The following TRIM34 variants were observed in gnomAD, a reference collection of about 807,000 sequenced individuals.
TRIM34 encodes tripartite motif containing 34.
In TRIM34, 41 loss-of-function variants were observed where a neutral mutation model predicts 38.1. That is an observed-to-expected ratio of 1.08 (90% CI 0.84 to 1.40). TRIM34 has a LOEUF of 1.40. TRIM34 is among the 40% of genes most tolerant of loss of function. The pLI is 0.00. For missense variants in TRIM34, 556 were observed against 571.4 expected (o/e 0.97, Z 0.27); for synonymous variants, 200 against 202.5 (o/e 0.99, Z 0.10).
At chr11:5,620,377 C>T (rs1848946419), upstream of TRIM34, among the ~76,000 whole-genome samples, 8 of 151,528 alleles carry the variant, frequency 5.3e-5, no homozygotes, top group South Asian at 1.7e-3. Context: ...CGGGGTTTCA[C>T]CATGTTGGCC....
At position 5,632,394 on chromosome 11, in the gene TRIM34, G is replaced by C. The variant is rs555604369; in HGVS notation, c.63G>C (p.Leu21=). The C allele has an allele frequency of 6.2e-7, 1 of 1,614,080 alleles. No individual in the cohort carries two copies. Among genetic ancestry groups the C allele is most frequent in the South Asian group, 1.1e-5 (1 of 91,072 alleles). The change falls in exon 2 of 8, where the codon CTG becomes CTC. Residue 21 remains leucine (L), a synonymous_variant. Transcript: ENST00000429814. Reference sequence around the variant, plus strand: ...TGACCTGTCCCATCTGCCTGGAGCTGTTGACAGAACCCTTGAGTCTAGACT... The same window carrying C: ...TGACCTGTCCCATCTGCCTGGAGCTCTTGACAGAACCCTTGAGTCTAGACT... The part of the protein sequence containing the change: ...EEVTCPICLE[L]LTEPLSLDCG...
chr11:5,641,907 G>A (rs543838173), intron 5 of TRIM34, among the ~76,000 whole-genome samples: 2 of 152,008 alleles, frequency 1.3e-5, no homozygotes, highest in African/African-American at 4.8e-5. Flanking sequence ...TCAAATATGC[G>A]CCATTCCACT....
upstream of TRIM34, among the ~76,000 whole-genome samples, chr11:5,621,744 CCTAT>C (rs1277376993): frequency 3.3e-5 from 5 of 152,158 alleles, no homozygotes; most frequent in Non-Finnish European, 5.9e-5. Context: ...GACATAAATG[CCTAT>C]CTGATTGACT....
chr11:5,622,958 G>A (rs954359267), upstream of TRIM34, among the ~76,000 whole-genome samples: 1 of 152,214 alleles, frequency 6.6e-6, no homozygotes, highest in Non-Finnish European at 1.5e-5. Flanking sequence ...TGTCCGCAAA[G>A]GCGGGACAGC....
rs1263795788 is a variant in TRIM34 at position 5,643,835 on chromosome 11, A to T, written c.*126A>T. 1 of 1,271,394 alleles carries T rather than the reference A, an allele frequency of 7.9e-7. No homozygotes were observed. Among genetic ancestry groups the T allele is most frequent in the Non-Finnish European group, 1.1e-6 (1 of 927,786 alleles). 78.8% of individuals were successfully genotyped at this position (1,271,394 alleles called of 1,614,324 possible). A position where few individuals can be genotyped will look rare whatever the true frequency, so the allele number is the denominator to read the frequency against. ...TTTAGAACTTTTACTCATCCTTGAG[A>T]TGTATGGTGTATTTGGCTTGAGTTA... is the stretch of plus-strand genomic sequence containing the variant. On this transcript the variant is annotated 3_prime_UTR_variant, in exon 8 of 8. Coordinates refer to ENST00000429814, the MANE Select transcript of TRIM34 (RefSeq NM_021616.6).
At chr11:5,642,731 C>T in intron 6 of TRIM34, 86 bp from the exon 7 acceptor site, 1 of 1,564,460 alleles carries the variant, frequency 6.4e-7, no homozygotes, top group South Asian at 1.2e-5. Context: ...TATTCCCTTC[C>T]CCTGTCCCTA....
At position 5,635,370 on chromosome 11, in the gene TRIM34, C is replaced by CT. The variant is rs556432575; in HGVS notation, c.750+509_750+510insT. On this transcript the variant is annotated intron_variant, in intron 4 of 7. Coordinates refer to ENST00000429814, the MANE Select transcript of TRIM34 (RefSeq NM_021616.6). ...TCCCAGGTTCACGCCATTCTCCTGC[C>CT]CAGCATCCCGAGTAGCTGGGACTAC... Among the ~76,000 whole-genome samples, 441 of 151,836 alleles carry CT rather than the reference C, an allele frequency of 2.9e-3. 1 individual carries two copies. The highest frequency in any genetic ancestry group is 0.01 in the Middle Eastern group (3 of 294).
rs1849984832 is a variant in TRIM34 at position 5,641,020 on chromosome 11, T to A, written c.751-147T>A. ...ATTCCTGATTTTTTTTCTTGGTGTG[T>A]CTAGCTAAATGTTTGCCAATTTTGT... is the stretch of plus-strand genomic sequence containing the variant. On this transcript the variant is annotated intron_variant, in intron 4 of 7. Transcript: ENST00000429814. The A allele has an allele frequency of 2.3e-5, 25 of 1,106,406 alleles. No homozygotes were observed. The South Asian group carries it at 5.2e-4, about 23-fold the overall frequency. 68.5% of individuals were successfully genotyped at this position (1,106,406 alleles called of 1,614,324 possible). A position where few individuals can be genotyped will look rare whatever the true frequency, so the allele number is the denominator to read the frequency against.
intron 4 of TRIM34, among the ~76,000 whole-genome samples, chr11:5,639,110 G>C (rs183914583): frequency 6.6e-6 from 1 of 152,000 alleles, no homozygotes; most frequent in Non-Finnish European, 1.5e-5. Flanking sequence ...TTTATTATTC[G>C]ATCAGACTTT....
Position 5,643,294 on chromosome 11 carries a change from G to C in TRIM34, c.1052G>C (p.Trp351Ser), listed in dbSNP as rs1314223759. Residue 351 changes from tryptophan to serine, a missense_variant, in exon 8 of 8, where the codon TGG becomes TCG. Transcript: ENST00000429814. ...SQYFSSGKHY[W>S]EVDVSKKTAW... ...TATTTCTCCTCTGGGAAACATTACT[G>C]GGAAGTGGACGTGTCCAAGAAAACT... 1 of 1,614,022 alleles carries C rather than the reference G, an allele frequency of 6.2e-7. No homozygotes were observed. The highest frequency in any genetic ancestry group is 8.5e-7 in the Non-Finnish European group (1 of 1,180,000).
At chr11:5,620,281 G>A (rs1036462103), upstream of TRIM34, among the ~76,000 whole-genome samples, 4 of 140,170 alleles carry the variant, frequency 2.9e-5, no homozygotes, top group African/African-American at 1.1e-4. Context: ...GGGTTCTATG[G>A]ATTCTCCTGC....
At chr11:5,635,697 G>GGA in intron 4 of TRIM34, among the ~76,000 whole-genome samples, 1 of 152,336 alleles carries the variant, frequency 6.6e-6, no homozygotes, top group East Asian at 1.9e-4. Flanking sequence ...GAACGAAGCA[G>GGA]GAGAGTAACT....
chr11:5,620,774 A>G (rs985793051), upstream of TRIM34, among the ~76,000 whole-genome samples: 1 of 152,092 alleles, frequency 6.6e-6, no homozygotes, highest in Non-Finnish European at 1.5e-5. Context: ...TCTTCTTTCC[A>G]TTAAGTGAGA....
At chr11:5,635,737 T>A (rs530564576) in intron 4 of TRIM34, among the ~76,000 whole-genome samples, 111 of 152,358 alleles carry the variant, frequency 7.3e-4, no homozygotes, top group Non-Finnish European at 1.4e-3. Flanking sequence ...GTTTGCTTTG[T>A]CTCTGGTGCT....
Position 5,641,197 on chromosome 11 carries a change from TG to T in TRIM34, c.773+11del, listed in dbSNP as rs1564890255. The T allele has an allele frequency of 6.2e-7, 1 of 1,614,036 alleles. No homozygotes were observed. The highest frequency in any genetic ancestry group is 8.5e-7 in the Non-Finnish European group (1 of 1,179,970). On this transcript the variant is annotated intron_variant, in intron 5 of 7. Transcript: ENST00000429814. ...GAGTGGAATCATGAAATGGTGCGTA[TG>T]GGTGGCCAGGAGTGGTGCTTGTGAG...
chr11:5,642,279 C>T (rs1590188396), intron 5 of TRIM34, 127 bp from the exon 6 acceptor site: 3 of 753,000 alleles, frequency 4.0e-6, no homozygotes, highest in Non-Finnish European at 4.2e-6. Context: ...CTCCCTTCTC[C>T]CCCTCCTCAG....
chr11:5,634,107 T>C (rs941647881), intron 3 of TRIM34, among the ~76,000 whole-genome samples: 49 of 152,200 alleles, frequency 3.2e-4, no homozygotes, highest in African/African-American at 1.1e-3. Context: ...AGCACAAAGA[T>C]AGACTCTATG....
At chr11:5,640,077 C>T (rs1385484258) in intron 4 of TRIM34, among the ~76,000 whole-genome samples, 1 of 152,126 alleles carries the variant, frequency 6.6e-6, no homozygotes, top group Non-Finnish European at 1.5e-5. Context: ...AAATCTTATT[C>T]ATTCTATCTA....
chr11:5,644,259 C>A lies in TRIM34; in HGVS notation c.*550C>A. The A allele has an allele frequency of 2.5e-6, 1 of 398,790 alleles. No homozygotes were observed. The highest frequency in any genetic ancestry group is 4.4e-6 in the Non-Finnish European group (1 of 226,232). The allele number at this position is 398,790 out of a possible 1,614,324, so 24.7% of individuals were successfully genotyped here. ...ATCATGATGAATACTTTCTCAGTTT[C>A]TTTTTCCTGAAATATAAATTGGGAT... On this transcript the variant is annotated 3_prime_UTR_variant, in exon 8 of 8. Transcript: ENST00000429814.
Sources: allele counts gnomAD v4.1 joint callset (sites outside exome capture counted in the v4.1 genomes callset), GRCh38; gene constraint gnomAD v4.1.1; transcripts MANE v1.5; gene names NCBI Gene and HGNC (gene_info 2026-07-23, HGNC 2026-07-21).